Variants in DGKZ observed in about 807,000 individuals in gnomAD.
The protein encoded by DGKZ is diacylglycerol kinase zeta, also known as DAG kinase zeta.
Under a neutral mutation model 142.5 loss-of-function variants are expected in DGKZ, and 45 were observed. The observed-to-expected ratio is 0.32, with a 90% confidence interval of 0.25 to 0.40. The LOEUF is 0.40. Ranked by LOEUF, DGKZ falls within the 10% of genes least tolerant of loss-of-function variation. The pLI is 1.00. For missense variants in DGKZ, 755 were observed against 1,306.5 expected (o/e 0.58, Z 6.51); for synonymous variants, 442 against 527.0 (o/e 0.84, Z 2.21).
At chr11:46,363,729 C>G (rs933715451) in intron 1 of DGKZ, among the ~76,000 whole-genome samples, 15 of 152,220 alleles carry the variant, frequency 9.9e-5, no homozygotes, top group African/African-American at 3.6e-4. Flanking sequence ...GTCCGGGTGA[C>G]TAATCTCCTC....
intron 14 of DGKZ, 125 bp from the exon 15 acceptor site, chr11:46,374,032 C>A: frequency 2.0e-6 from 2 of 1,008,506 alleles, no homozygotes; most frequent in Non-Finnish European, 3.0e-6. Flanking sequence ...TGAGCCCTAG[C>A]GGACGCTGCT....
chr11:46,370,885 A>G (rs905616220), intron 6 of DGKZ, among the ~76,000 whole-genome samples: 1 of 152,088 alleles, frequency 6.6e-6, no homozygotes, highest in Non-Finnish European at 1.5e-5. Context: ...GGAATTCGAG[A>G]CCAGCCTGGC....
At chr11:46,345,601 G>T, upstream of DGKZ, 1 of 1,496,114 alleles carries the variant, frequency 6.7e-7, no homozygotes. This position sits in a 1 kb window ranked among gnomAD's most constrained non-coding sequence, Gnocchi z 4.1. Flanking sequence ...TACAAGGGGT[G>T]GCCTGGGAGT....
intron 1 of DGKZ, chr11:46,365,192 C>T: frequency 2.0e-6 from 2 of 985,390 alleles, no homozygotes; most frequent in Non-Finnish European, 1.2e-6. Context: ...ACAGCTCCTG[C>T]CTGCCTGCAG....
intron 1 of DGKZ, among the ~76,000 whole-genome samples, chr11:46,334,270 C>A (rs1276952630): frequency 6.6e-6 from 1 of 152,224 alleles, no homozygotes; most frequent in South Asian, 2.1e-4. Flanking sequence ...CCTTCCTCTT[C>A]CTCTCCCAAA....
Position 46,372,347 on chromosome 11 carries a change from A to G in DGKZ, c.928-81A>G, listed in dbSNP as rs935091288. On this transcript the variant is annotated intron_variant, in intron 10 of 30. Transcript: ENST00000527911. The surrounding 1 kb of genome is among the most constrained non-coding windows in gnomAD (Gnocchi z 5.9). ...TCACCCCTTATTGGCCCTGGTTCCC[A>G]CAGTCACACCCCTCTCCCTCTGCTG... 2.6e-4 allele frequency: 389 copies of G among 1,505,544 alleles called. 3 individuals carry two copies. The highest frequency in any genetic ancestry group is 1.7e-3 in the Middle Eastern group (10 of 5,806). The allele number at this position is 1,505,544 out of a possible 1,614,324, so 93.3% of individuals were successfully genotyped here.
intron 1 of DGKZ, among the ~76,000 whole-genome samples, chr11:46,337,044 G>A (rs1271669970): frequency 6.6e-6 from 1 of 152,116 alleles, no homozygotes; most frequent in Non-Finnish European, 1.5e-5. Context: ...GGGCAAGGCA[G>A]TAGTGCCTGA....
exon 1 of DGKZ, chr11:46,333,237 G>A (rs892548243): frequency 1.6e-6 from 2 of 1,242,306 alleles, no homozygotes; most frequent in Admixed American, 8.6e-5. Context: ...GCGGGTGCCC[G>A]AAAGGCCGCA....
intron 1 of DGKZ, chr11:46,366,778 C>T: frequency 6.5e-7 from 1 of 1,548,512 alleles, no homozygotes; most frequent in Non-Finnish European, 8.7e-7. Flanking sequence ...CCGTATATGA[C>T]CACGCTCTCT....
At position 46,372,706 on chromosome 11, in the gene DGKZ, A is replaced by G; in HGVS notation, c.1071+29A>G. ...AGCTCCCCGCATGGGCCAGCCGAGC[A>G]CCAGGGCTGGGCCTGAAGCCGGGGT... is the stretch of plus-strand genomic sequence containing the variant. On this transcript the variant is annotated intron_variant, in intron 12 of 30. Transcript: ENST00000527911. This position sits in a 1 kb window ranked among gnomAD's most constrained non-coding sequence, Gnocchi z 5.9. 1 of 1,612,574 alleles carries G rather than the reference A, an allele frequency of 6.2e-7. No homozygotes were observed. The highest frequency in any genetic ancestry group is 8.5e-7 in the Non-Finnish European group (1 of 1,179,558).
chr11:46,376,650 C>G (rs1565082120), intron 24 of DGKZ, 86 bp downstream of exon 24: 3 of 1,541,462 alleles, frequency 1.9e-6, no homozygotes, highest in East Asian at 4.5e-5. Flanking sequence ...GTTAGCTCCC[C>G]CGATGGGCTC....
At chr11:46,333,360 C>A in exon 1 of DGKZ, 1 of 1,371,556 alleles carries the variant, frequency 7.3e-7, no homozygotes. Context: ...GGTGCGGCGG[C>A]GATGCCGGCG....
chr11:46,365,456 G>T, intron 1 of DGKZ: 1 of 985,392 alleles, frequency 1.0e-6, no homozygotes, highest in African/African-American at 1.7e-5. Context: ...AATCCAGAAG[G>T]CTTTGCTTTT....
At chr11:46,354,566 G>T (rs1941784865) in intron 1 of DGKZ, among the ~76,000 whole-genome samples, 1 of 152,216 alleles carries the variant, frequency 6.6e-6, no homozygotes, top group Admixed American at 6.5e-5. Flanking sequence ...TTAGAAAAGT[G>T]TGCAGAATAA....
rs1241568633 is a variant in DGKZ at position 46,366,314 on chromosome 11, C to T, written c.162-977C>T. The T allele has an allele frequency of 1.6e-5, 26 of 1,579,060 alleles. No individual in the cohort carries two copies. Among genetic ancestry groups the T allele is most frequent in the Non-Finnish European group, 2.0e-5 (24 of 1,171,942 alleles). ...GAAGGTGCCAGGCCCTGGAGAGGGG[C>T]AGCAGCGGCCCAGCAGCGTGGGGCT... is the stretch of plus-strand genomic sequence containing the variant. On this transcript the variant is annotated intron_variant, in intron 1 of 30. Transcript: ENST00000527911.
rs1294694624 is a variant in DGKZ at position 46,369,477 on chromosome 11, A to G, written c.445-17A>G. ...GGGAGGTTCTGACATTTTGGTGGTC[A>G]CTGCCATGTTTCACAGATAAATTTC... On this transcript the variant is annotated splice_polypyrimidine_tract_variant and intron_variant, in intron 4 of 30. Transcript: ENST00000527911. 6.2e-7 allele frequency: 1 copy of G among 1,614,004 alleles called. No individual in the cohort carries two copies. Among genetic ancestry groups the G allele is most frequent in the Non-Finnish European group, 8.5e-7 (1 of 1,180,046 alleles).
intron 25 of DGKZ, 26 bp from the exon 26 acceptor site, chr11:46,378,172 T>C (rs879701679): frequency 8.7e-6 from 14 of 1,606,362 alleles, no homozygotes; most frequent in South Asian, 1.1e-5. Flanking sequence ...CCGTAGCCGG[T>C]CACAGCACAT....
intron 24 of DGKZ, 61 bp from the exon 25 acceptor site, chr11:46,377,012 T>C: frequency 6.8e-7 from 1 of 1,479,738 alleles, no homozygotes; most frequent in African/African-American, 1.4e-5. Flanking sequence ...CTACCAGCCT[T>C]GCTGCCCCTC....
chr11:46,354,837 T>C (rs1941817250), intron 1 of DGKZ, among the ~76,000 whole-genome samples: 1 of 152,276 alleles, frequency 6.6e-6, no homozygotes, highest in Non-Finnish European at 1.5e-5. Flanking sequence ...CCCTCAATAT[T>C]GTTTTGGAGA....
Sources: allele counts gnomAD v4.1 joint callset (sites outside exome capture counted in the v4.1 genomes callset), GRCh38; gene constraint gnomAD v4.1.1; non-coding constraint Gnocchi (gnomAD v3.1); transcripts MANE v1.5; gene names NCBI Gene and HGNC (gene_info 2026-07-23, HGNC 2026-07-21).